CER1: variants seen among roughly 807,000 people sequenced by gnomAD.
CER1 encodes the protein cerberus.
CER1 carries 10 observed loss-of-function variants against 11.8 expected under a neutral mutation model. The ratio of observed to expected loss-of-function variants is 0.85; its 90% confidence interval spans 0.52 to 1.44. The LOEUF (loss-of-function observed/expected upper bound fraction) is 1.44. Among genes scored for constraint, CER1 ranks in the 40% most tolerant of loss-of-function variants. CER1 has a pLI of 0.00. For synonymous variants in CER1, 141 were observed against 122.3 expected, an observed-to-expected ratio of 1.15 and a Z score of -1.01; for missense variants, 431 against 327.0, an observed-to-expected ratio of 1.32 and a Z score of -2.45.
intron 1 of CER1, among the ~76,000 whole-genome samples, chr9:14,721,855 T>G (rs1840017253): frequency 6.6e-6 from 1 of 152,146 alleles, no homozygotes; most frequent in Non-Finnish European, 1.5e-5. Flanking sequence ...GACTTATATC[T>G]CTGAGTAGAT....
At chr9:14,720,530 G>A in intron 1 of CER1, 144 bp from the exon 2 acceptor site, 1 of 773,982 alleles carries the variant, frequency 1.3e-6, no homozygotes, top group Non-Finnish European at 2.0e-6. Context: ...ATATGCAAGT[G>A]ATGGTATCTA....
chr9:14,722,159 C>T lies in CER1; in HGVS notation c.507+7G>A. 3 of 1,610,464 alleles carry T rather than the reference C, an allele frequency of 1.9e-6. No homozygotes were observed. The highest frequency in any genetic ancestry group is 2.5e-6 in the Non-Finnish European group (3 of 1,178,050). ...ACTCTTACCTGCTCTCCCCCCAGAA[C>T]ACATACCTGGCTGAAGGGCACTGTC... On this transcript the variant is annotated splice_region_variant and intron_variant, in intron 1 of 1. Transcript: ENST00000380911.
At chr9:14,718,641 ATGTG>A (rs1401138310), downstream of CER1, among the ~76,000 whole-genome samples, 2 of 152,208 alleles carry the variant, frequency 1.3e-5, no homozygotes, top group African/African-American at 4.8e-5. Context: ...ATTCTGGGAA[ATGTG>A]TGTATGTGTG....
chr9:14,718,405 T>C (rs1802888936), downstream of CER1, among the ~76,000 whole-genome samples: 1 of 152,216 alleles, frequency 6.6e-6, no homozygotes, highest in African/African-American at 2.4e-5. Context: ...TTTATCCTTA[T>C]GAGCATATCT....
At position 14,722,598 on chromosome 9, in the gene CER1, C is replaced by G. The variant is rs1840031174; in HGVS notation, c.75G>C (p.Gln25His). 1.2e-6 allele frequency: 2 copies of G among 1,611,288 alleles called. No individual in the cohort carries two copies. Among genetic ancestry groups the G allele is most frequent in the Admixed American group, 1.7e-5 (1 of 59,996 alleles). The change falls in exon 1 of 2, where the codon CAG becomes CAC. Residue 25 changes from glutamine to histidine, a missense_variant. By Grantham distance (24) the Gln-to-His change is conservative (BLOSUM62 0). Coordinates refer to ENST00000380911, the MANE Select transcript of CER1 (RefSeq NM_005454.3). ...GTACGGGGGAAAGAGAACTCTGATTCTGGCGGCCATCCTGGTGCCGTGTGG... is the reference window on the plus strand; with the variant it reads ...GTACGGGGGAAAGAGAACTCTGATTGTGGCGGCCATCCTGGTGCCGTGTGG... ...GKTTRHQDGR[Q>H]NQSSLSPVLL...
At position 14,720,169 on chromosome 9, in the gene CER1, T is replaced by G. The variant is rs751602118; in HGVS notation, c.725A>C (p.Lys242Thr). The change falls in exon 2 of 2, where the codon AAG becomes ACG. Residue 242 changes from lysine (K) to threonine (T), a missense_variant. Coordinates refer to ENST00000380911, the MANE Select transcript of CER1 (RefSeq NM_005454.3). Reference protein sequence around the residue: ...VVMLVEECQCKVKTEHEDGHI... With the variant: ...VVMLVEECQCTVKTEHEDGHI... ...TCCATCTTCATGCTCCGTCTTCACCTTGCACTGGCACTCCTCCACCAGCAT... is the reference window on the plus strand; with the variant it reads ...TCCATCTTCATGCTCCGTCTTCACCGTGCACTGGCACTCCTCCACCAGCAT... 1 of 1,614,162 alleles carries G rather than the reference T, an allele frequency of 6.2e-7. No individual in the cohort carries two copies.
At position 14,720,142 on chromosome 9, in the gene CER1, T is replaced by G; in HGVS notation, c.752A>C (p.His251Pro). 6.2e-7 allele frequency: 1 copy of G among 1,614,136 alleles called. No homozygotes were observed. Among genetic ancestry groups the G allele is most frequent in the Non-Finnish European group, 8.5e-7 (1 of 1,180,016 alleles). ...ATCCTGGGAGCCAGCATGTAGGATGTGTCCATCTTCATGCTCCGTCTTCAC... is the reference window on the plus strand; with the variant it reads ...ATCCTGGGAGCCAGCATGTAGGATGGGTCCATCTTCATGCTCCGTCTTCAC... The part of the protein sequence containing the change: ...CKVKTEHEDG[H>P]ILHAGSQDSF... Residue 251 changes from histidine (H) to proline (P), a missense_variant, in exon 2 of 2, where the codon CAC (histidine) becomes CCC (proline). By Grantham distance (77) the His-to-Pro change is moderately conservative. Transcript: ENST00000380911.
chr9:14,717,701 T>A (rs1290193798), downstream of CER1, among the ~76,000 whole-genome samples: 4 of 152,172 alleles, frequency 2.6e-5, no homozygotes, highest in Non-Finnish European at 4.4e-5. Flanking sequence ...ATAGGAGAGC[T>A]AGGTAAGTGG....
intron 1 of CER1, among the ~76,000 whole-genome samples, chr9:14,721,645 G>T (rs969460882): frequency 3.3e-5 from 5 of 152,134 alleles, no homozygotes; most frequent in Non-Finnish European, 5.9e-5. Flanking sequence ...AACCTATAAA[G>T]TAATTAAGTA....
At chr9:14,719,522 C>T (rs1189624381), downstream of CER1, among the ~76,000 whole-genome samples, 1 of 117,928 alleles carries the variant, frequency 8.5e-6, no homozygotes, top group East Asian at 2.3e-4. Context: ...TCCCTGCCTG[C>T]CTGCGTGCCT....
chr9:14,721,164 A>G (rs1235215151), intron 1 of CER1, among the ~76,000 whole-genome samples: 2 of 152,238 alleles, frequency 1.3e-5, no homozygotes, highest in Non-Finnish European at 2.9e-5. Context: ...CTTTTCAGGC[A>G]GAATACTTAA....
At chr9:14,719,129 C>T (rs1190904236), downstream of CER1, among the ~76,000 whole-genome samples, 1 of 152,122 alleles carries the variant, frequency 6.6e-6, no homozygotes, top group Admixed American at 6.5e-5. Context: ...ATTCAAAATG[C>T]ATGTGAGTAA....
Position 14,720,133 on chromosome 9 carries a change from T to C in CER1, c.761A>G (p.His254Arg), listed in dbSNP as rs747088748. The change falls in exon 2 of 2, where the codon CAT becomes CGT. Residue 254 changes from histidine (H) to arginine (R), a missense_variant. His to Arg is a conservative substitution (Grantham distance 29). Coordinates refer to ENST00000380911, the MANE Select transcript of CER1 (RefSeq NM_005454.3). ...KTEHEDGHIL[H>R]AGSQDSFIPG... ...GATAAAGGAATCCTGGGAGCCAGCA[T>C]GTAGGATGTGTCCATCTTCATGCTC... 4.3e-6 allele frequency: 7 copies of C among 1,613,994 alleles called. No individual in the cohort carries two copies. The highest frequency in any genetic ancestry group is 3.4e-6 in the Non-Finnish European group (4 of 1,180,024).
At chr9:14,718,367 A>G (rs11793334), downstream of CER1, among the ~76,000 whole-genome samples, 15,949 of 152,220 alleles carry the variant, frequency 0.1, 896 homozygotes, top group Non-Finnish European at 0.12. Flanking sequence ...TATATTGACC[A>G]GCTGAGATAT....
Position 14,720,038 on chromosome 9 carries a change from G to A in CER1, c.*52C>T, listed in dbSNP as rs1839985520. On this transcript the variant is annotated 3_prime_UTR_variant, in exon 2 of 2. Coordinates refer to ENST00000380911, the MANE Select transcript of CER1 (RefSeq NM_005454.3). ...TTAACATTTTCAGACTGAATAATCAGCATCTTTGCTGTTGTGGTTTTGCTT... is the reference window on the plus strand; with the variant it reads ...TTAACATTTTCAGACTGAATAATCAACATCTTTGCTGTTGTGGTTTTGCTT... 7 of 1,540,480 alleles carry A rather than the reference G, an allele frequency of 4.5e-6. No individual in the cohort carries two copies. Among genetic ancestry groups the A allele is most frequent in the African/African-American group, 1.4e-5 (1 of 73,504 alleles).
At chr9:14,717,899 A>T (rs1462163672), downstream of CER1, among the ~76,000 whole-genome samples, 1 of 152,194 alleles carries the variant, frequency 6.6e-6, no homozygotes, top group Non-Finnish European at 1.5e-5. Context: ...AACCTACTTT[A>T]TATAGTTTTT....
intron 1 of CER1, among the ~76,000 whole-genome samples, chr9:14,720,813 A>G (rs1839998934): frequency 6.6e-6 from 1 of 152,246 alleles, no homozygotes; most frequent in African/African-American, 2.4e-5. Context: ...AGAATAGATC[A>G]GAACATTCTA....
rs1398162126 is a variant in CER1 at position 14,722,388 on chromosome 9, A to G, written c.285T>C (p.His95=). The G allele has an allele frequency of 1.9e-6, 3 of 1,614,000 alleles. No homozygotes were observed. Among genetic ancestry groups the G allele is most frequent in the Middle Eastern group, 1.6e-4 (1 of 6,084 alleles). ...RFWKKPEREM[H]PSRDSDSEPF... is the part of the protein sequence containing the mutation. ...GCTCACTATCTGAGTCCCTGGATGG[A>G]TGCATTTCTCTCTCAGGCTTCTTCC... Residue 95 remains histidine (H), a synonymous_variant, in exon 1 of 2, where the codon CAT becomes CAC. Transcript: ENST00000380911.
At position 14,722,201 on chromosome 9, in the gene CER1, G is replaced by A. The variant is rs773638395; in HGVS notation, c.472C>T (p.His158Tyr). ...GGCACTGTCCTGCAGGTCTCCCAAT[G>A]TACTTCATGGCTTTTGATGGGCAAG... ...VILPIKSHEV[H>Y]WETCRTVPFS... Residue 158 changes from histidine to tyrosine, a missense_variant, in exon 1 of 2, where the codon CAT becomes TAT. Coordinates refer to ENST00000380911, the MANE Select transcript of CER1 (RefSeq NM_005454.3). 3.1e-6 allele frequency: 5 copies of A among 1,614,002 alleles called. No individual in the cohort carries two copies. In the South Asian group the frequency reaches 3.3e-5, roughly 11 times the overall value.
Sources: gnomAD v4.1 joint callset for allele counts (sites outside exome capture counted in the v4.1 genomes callset) on GRCh38, gnomAD v4.1.1 for gene constraint, MANE v1.5 for transcripts, NCBI Gene and HGNC (gene_info 2026-07-23, HGNC 2026-07-21) for gene names.